DUSP29: variants seen among roughly 807,000 people sequenced by gnomAD.
The protein encoded by DUSP29 is dual specificity phosphatase 29.
A neutral mutation model predicts 13.5 loss-of-function variants in DUSP29; 12 were observed. The observed-to-expected ratio is 0.89, with a 90% CI of 0.57 to 1.44. The LOEUF (loss-of-function observed/expected upper bound fraction) is 1.44, where lower values mean the gene tolerates loss of function less well. Among genes scored for constraint, DUSP29 ranks in the 40% most tolerant of loss-of-function variants. DUSP29 has a pLI of 0.00. For synonymous variants in DUSP29, 134 were observed against 128.7 expected, an observed-to-expected ratio of 1.04 and a Z score of -0.28; for missense variants, 308 against 301.1, an observed-to-expected ratio of 1.02 and a Z score of -0.17.
At chr10:75,063,797 T>G (rs1330206110) in intron 1 of DUSP29, among the ~76,000 whole-genome samples, 3 of 152,126 alleles carry the variant, frequency 2.0e-5, no homozygotes, top group Non-Finnish European at 4.4e-5. Flanking sequence ...TAAAAACATT[T>G]AAAGGTGAAA....
At position 75,070,697 on chromosome 10, in the gene DUSP29, G is replaced by C. The variant is rs145647218; in HGVS notation, c.-35+2872C>G. Among the ~76,000 whole-genome samples, 833 of 152,240 alleles carry C rather than the reference G, an allele frequency of 5.5e-3. 21 individuals are homozygous for C. Among genetic ancestry groups the C allele is most frequent in the South Asian group, 2.5e-3 (12 of 4,818 alleles). ...AGGTCTTGGTAGGGAAGCTGTGGCGGAGGAGATGGACTCATGTGAGCCTGA... is the reference window on the plus strand; with the variant it reads ...AGGTCTTGGTAGGGAAGCTGTGGCGCAGGAGATGGACTCATGTGAGCCTGA... On this transcript the variant is annotated intron_variant, in intron 1 of 3. Coordinates refer to ENST00000338487, the MANE Select transcript of DUSP29 (RefSeq NM_001003892.3).
chr10:75,059,770 T>C (rs182099655), intron 1 of DUSP29, among the ~76,000 whole-genome samples: 7 of 152,272 alleles, frequency 4.6e-5, no homozygotes, highest in Admixed American at 3.9e-4. Context: ...AGAATACAAC[T>C]TGAAGAAGCT....
intron 1 of DUSP29, among the ~76,000 whole-genome samples, chr10:75,061,581 GATA>G (rs1847089079): frequency 6.6e-6 from 1 of 152,184 alleles, no homozygotes; most frequent in Non-Finnish European, 1.5e-5. Flanking sequence ...AGTAAAGTTT[GATA>G]ATAATTGTCT....
intron 2 of DUSP29, among the ~76,000 whole-genome samples, chr10:75,047,363 C>T (rs564507335): frequency 7.2e-5 from 11 of 152,216 alleles, no homozygotes; most frequent in Admixed American, 6.5e-4. Flanking sequence ...AGACACCCAT[C>T]GTCCAGTCCC....
chr10:75,063,328 T>C (rs1313345659), intron 1 of DUSP29, among the ~76,000 whole-genome samples: 1 of 152,202 alleles, frequency 6.6e-6, no homozygotes, highest in African/African-American at 2.4e-5. Context: ...TACAGGTGCC[T>C]ACAGGTGCCT....
At chr10:75,047,134 G>A (rs1032274255) in intron 2 of DUSP29, among the ~76,000 whole-genome samples, 6 of 152,194 alleles carry the variant, frequency 3.9e-5, no homozygotes, top group Non-Finnish European at 7.3e-5. Context: ...CCTGAGACCC[G>A]GTGGGTATTT....
chr10:75,072,904 T>A (rs1402560834), intron 1 of DUSP29, among the ~76,000 whole-genome samples: 1 of 151,702 alleles, frequency 6.6e-6, no homozygotes, highest in Non-Finnish European at 1.5e-5. Context: ...CCCACACAGG[T>A]CTGAGACACA....
At chr10:75,065,874 TCA>T (rs199502131) in intron 1 of DUSP29, among the ~76,000 whole-genome samples, 8 of 151,254 alleles carry the variant, frequency 5.3e-5, no homozygotes, top group South Asian at 2.1e-4. Flanking sequence ...ATTATTATTA[TCA>T]TTTATTTTAT....
At chr10:75,051,277 G>A (rs770275979) in intron 2 of DUSP29, among the ~76,000 whole-genome samples, 1 of 152,192 alleles carries the variant, frequency 6.6e-6, no homozygotes, top group Non-Finnish European at 1.5e-5. Context: ...ACTGTGAATC[G>A]AATTTCCAGA....
In DUSP29 at chr10:75,050,057, G is replaced by A. The variant is rs569384552; in HGVS notation, c.201-6040C>T. ...AACCTCACCCTGGCACTGGCTCTCC[G>A]ACACCCGCATTGTGGAGAGGGAAGA... On this transcript the variant is annotated intron_variant, in intron 2 of 3. Transcript: ENST00000338487. 3.9e-5 allele frequency among the ~76,000 whole-genome samples: 6 copies of A among 152,300 alleles called. No individual in the cohort carries two copies. In the South Asian group the frequency reaches 8.3e-4, roughly 21 times the overall value.
intron 1 of DUSP29, among the ~76,000 whole-genome samples, chr10:75,061,669 C>T (rs572916144): frequency 2.0e-5 from 3 of 152,292 alleles, no homozygotes; most frequent in African/African-American, 4.8e-5. Flanking sequence ...AAATGCCTCC[C>T]GCTGTCCCAG....
chr10:75,043,619 C>A (rs997353786), intron 3 of DUSP29, among the ~76,000 whole-genome samples, 178 bp downstream of exon 3: 4 of 152,176 alleles, frequency 2.6e-5, no homozygotes, highest in Admixed American at 6.5e-5. Flanking sequence ...AGATTTCGCA[C>A]GCGCACATCC....
rs141939595 is a variant in DUSP29, at chr10:75,048,884, G to T, written c.201-4867C>A. Among the ~76,000 whole-genome samples, 415 of 152,318 alleles carry T rather than the reference G, an allele frequency of 2.7e-3. 1 individual carries two copies. The highest frequency in any genetic ancestry group is 4.7e-3 in the Non-Finnish European group (319 of 68,034). The stretch of plus-strand genomic sequence containing the variant: ...CATAGGGCTGACAGCTGAAACTGAC[G>T]CATGAACTGAGGTGGCAGAACTGCT... On this transcript the variant is annotated intron_variant, in intron 2 of 3. Transcript: ENST00000338487.
intron 2 of DUSP29, among the ~76,000 whole-genome samples, chr10:75,044,830 G>A (rs7901279): frequency 0.14 from 20,637 of 152,160 alleles, 2,857 homozygotes; most frequent in African/African-American, 0.36. Context: ...TGCCTGTGGG[G>A]TGGGGCAGGG....
intron 2 of DUSP29, among the ~76,000 whole-genome samples, chr10:75,055,603 T>G (rs920192189): frequency 6.6e-6 from 1 of 151,962 alleles, no homozygotes; most frequent in African/African-American, 2.4e-5. Flanking sequence ...GAATGGGGAG[T>G]GACTGTTTAG....
intron 1 of DUSP29, among the ~76,000 whole-genome samples, chr10:75,069,888 A>T (rs1282380509): frequency 5.6e-5 from 2 of 35,402 alleles, no homozygotes; most frequent in African/African-American, 5.6e-4. Context: ...CTAAAAATAC[A>T]AAAAAAAAAA....
At chr10:75,038,208 G>T in intron 3 of DUSP29, 131 bp from the exon 4 acceptor site, 1 of 1,238,544 alleles carries the variant, frequency 8.1e-7, no homozygotes. Context: ...CCCCACAGCT[G>T]CCTCTGTAGA....
At chr10:75,070,210 G>A (rs1211984721) in intron 1 of DUSP29, among the ~76,000 whole-genome samples, 1 of 152,104 alleles carries the variant, frequency 6.6e-6, no homozygotes, top group African/African-American at 2.4e-5. Context: ...GGTCAGGGAG[G>A]TTAAGAAACA....
chr10:75,042,852 G>A (rs1846614201), intron 3 of DUSP29, among the ~76,000 whole-genome samples: 1 of 152,238 alleles, frequency 6.6e-6, no homozygotes. Context: ...GCTCCACAAA[G>A]GGGTGTGTGA....
Sources: allele counts gnomAD v4.1 joint callset (sites outside exome capture counted in the v4.1 genomes callset), GRCh38; gene constraint gnomAD v4.1.1; transcripts MANE v1.5; gene names NCBI Gene and HGNC (gene_info 2026-07-23, HGNC 2026-07-21).